The following RBFOX1 variants were observed in gnomAD, a reference collection of about 807,000 sequenced individuals.
RBFOX1 encodes the protein RNA binding fox-1 homolog 1, also known as RNA binding protein fox-1 homolog 1.
A neutral mutation model predicts 57.7 loss-of-function variants in RBFOX1; 8 were observed. That is an observed-to-expected ratio of 0.14 (90% CI 0.08 to 0.25). RBFOX1 has a LOEUF of 0.25. Ranked by LOEUF, RBFOX1 falls within the 10% of genes least tolerant of loss-of-function variation. The pLI, the probability that RBFOX1 is intolerant of heterozygous loss-of-function variation, is 1.00. For missense variants in RBFOX1, 611 were observed against 548.5 expected (o/e 1.11, Z -1.14); for synonymous variants, 326 against 222.4 (o/e 1.47, Z -4.15).
At chr16:6,170,018 T>G (rs1426434264) in intron 1 of RBFOX1, among the ~76,000 whole-genome samples, 1 of 152,130 alleles carries the variant, frequency 6.6e-6, no homozygotes, top group Non-Finnish European at 1.5e-5. Flanking sequence ...ATCCACCCAC[T>G]TCGGCCTCCC....
chr16:5,959,854 C>T (rs1432356250), intron 4 of RBFOX1, among the ~76,000 whole-genome samples: 2 of 152,096 alleles, frequency 1.3e-5, no homozygotes, highest in Non-Finnish European at 2.9e-5. Flanking sequence ...TGGTGGCTTT[C>T]TCTCTCTGCC....
intron 4 of RBFOX1, among the ~76,000 whole-genome samples, chr16:7,300,124 G>T (rs2095996559): frequency 6.6e-6 from 1 of 152,098 alleles, no homozygotes; most frequent in East Asian, 1.9e-4. Context: ...CTAATTCCCT[G>T]ATCTTGATCT....
chr16:7,056,355 C>G (rs548810772), intron 4 of RBFOX1, among the ~76,000 whole-genome samples: 1 of 152,290 alleles, frequency 6.6e-6, no homozygotes, highest in African/African-American at 2.4e-5. Context: ...TTCTTCTGAG[C>G]TTGCAATTCA....
chr16:7,033,299 C>G (rs2043294353), intron 3 of RBFOX1, among the ~76,000 whole-genome samples: 1 of 152,182 alleles, frequency 6.6e-6, no homozygotes, highest in African/African-American at 2.4e-5. Context: ...GCGGGCAGAT[C>G]ACCCGAGGCC....
intron 3 of RBFOX1, among the ~76,000 whole-genome samples, chr16:6,733,693 G>C (rs111927909): frequency 0.016 from 2,422 of 152,228 alleles, 40 homozygotes; most frequent in Middle Eastern, 0.034. Flanking sequence ...AGAAGGTTGA[G>C]GCTGCAGTGA....
intron 3 of RBFOX1, among the ~76,000 whole-genome samples, chr16:5,757,192 G>C (rs556888455): frequency 7.3e-5 from 11 of 151,494 alleles, no homozygotes; most frequent in Non-Finnish European, 1.5e-4. Flanking sequence ...AGAGCATGAA[G>C]AGCGTGGCGG....
intron 1 of RBFOX1, among the ~76,000 whole-genome samples, chr16:5,409,674 C>G (rs1399337442): frequency 6.6e-6 from 1 of 151,944 alleles, no homozygotes; most frequent in Non-Finnish European, 1.5e-5. Context: ...TTCATTCCAG[C>G]CAGAGGAGAG....
At chr16:6,241,715 C>T (rs2097541058) in intron 1 of RBFOX1, among the ~76,000 whole-genome samples, 1 of 152,202 alleles carries the variant, frequency 6.6e-6, no homozygotes, top group Admixed American at 6.5e-5. Flanking sequence ...AAACAATCAA[C>T]ACCAATCAAG....
chr16:6,434,340 C>T (rs1357821520), intron 2 of RBFOX1, among the ~76,000 whole-genome samples: 1 of 152,100 alleles, frequency 6.6e-6, no homozygotes, highest in Non-Finnish European at 1.5e-5. Context: ...CTCCAATGGC[C>T]AAGGCTTCCT....
chr16:6,604,020 T>C (rs1362952314), intron 2 of RBFOX1, among the ~76,000 whole-genome samples: 2 of 152,128 alleles, frequency 1.3e-5, no homozygotes, highest in Admixed American at 6.5e-5. Context: ...GGTCCTTTCA[T>C]GTAGCTGCCT....
chr16:5,363,256 G>T (rs2065606707), intron 1 of RBFOX1, among the ~76,000 whole-genome samples: 1 of 151,112 alleles, frequency 6.6e-6, no homozygotes, highest in Non-Finnish European at 1.5e-5. Context: ...TGTTGGCAAG[G>T]CCGGTCTTGA....
intron 1 of RBFOX1, among the ~76,000 whole-genome samples, chr16:5,310,015 C>G (rs1370366165): frequency 6.6e-6 from 1 of 152,186 alleles, no homozygotes; most frequent in Non-Finnish European, 1.5e-5. Context: ...CCTTTTTTGG[C>G]TTAGCCATGG....
At chr16:5,966,348 G>A (rs2059843052) in intron 4 of RBFOX1, among the ~76,000 whole-genome samples, 1 of 152,194 alleles carries the variant, frequency 6.6e-6, no homozygotes, top group South Asian at 2.1e-4. Context: ...CCGCTTCCAG[G>A]GAAGCCTCAT....
chr16:6,433,616 G>C (rs2094154962), intron 2 of RBFOX1, among the ~76,000 whole-genome samples: 3 of 152,170 alleles, frequency 2.0e-5, no homozygotes, highest in Admixed American at 2.0e-4. Context: ...GGGTTCTAGA[G>C]ATCAGATGTC....
At chr16:5,941,945 C>G (rs532679933) in intron 4 of RBFOX1, among the ~76,000 whole-genome samples, 2 of 151,532 alleles carry the variant, frequency 1.3e-5, no homozygotes, top group African/African-American at 4.9e-5. Flanking sequence ...TAGATAACAA[C>G]GACCACCATT....
intron 4 of RBFOX1, among the ~76,000 whole-genome samples, chr16:7,451,713 G>A (rs545278448): frequency 1.5e-5 from 2 of 137,706 alleles, no homozygotes; most frequent in East Asian, 2.1e-4. Flanking sequence ...TGAAGTAGAG[G>A]CTTCCAGCAC....
At chr16:7,142,387 T>C (rs1255600114) in intron 4 of RBFOX1, among the ~76,000 whole-genome samples, 2 of 152,140 alleles carry the variant, frequency 1.3e-5, no homozygotes, top group Non-Finnish European at 2.9e-5. Context: ...GAGGTCCATG[T>C]CCTGAGCTTC....
At chr16:5,427,271 A>C (rs374025740) in intron 1 of RBFOX1, among the ~76,000 whole-genome samples, 16 of 152,198 alleles carry the variant, frequency 1.1e-4, no homozygotes, top group African/African-American at 3.9e-4. Flanking sequence ...TCATGCAGTT[A>C]AGGAGAATAG....
chr16:6,804,526 TAAAG>T lies in RBFOX1; in HGVS notation c.-16+149879_-16+149882del, dbSNP rs1295511922. ...GCATAAATAATCTTCATCCTACAAA[TAAAG>T]AATTCTAAATTGGACTCTAAATATT... On this transcript the variant is annotated intron_variant, in intron 3 of 15. Coordinates refer to ENST00000550418, the MANE Select transcript of RBFOX1 (RefSeq NM_018723.4). Among the ~76,000 whole-genome samples, 4 of 152,148 alleles carry T rather than the reference TAAAG, an allele frequency of 2.6e-5. 1 individual carries two copies. Among genetic ancestry groups the T allele is most frequent in the Admixed American group, 6.5e-5 (1 of 15,278 alleles).
Sources: allele counts gnomAD v4.1 joint callset (sites outside exome capture counted in the v4.1 genomes callset), GRCh38; gene constraint gnomAD v4.1.1; transcripts MANE v1.5; gene names NCBI Gene and HGNC (gene_info 2026-07-23, HGNC 2026-07-21).